MAF: variants seen among roughly 807,000 people sequenced by gnomAD.
The protein encoded by MAF is transcription factor Maf.
MAF carries 10 observed loss-of-function variants against 22.0 expected under a neutral mutation model. That is an observed-to-expected ratio of 0.45 (90% CI 0.28 to 0.77). The LOEUF (loss-of-function observed/expected upper bound fraction) is 0.77. MAF is among the 30% of genes least tolerant of loss of function. The pLI, the probability that MAF is intolerant of heterozygous loss-of-function variation, is 0.12. For missense variants in MAF, 544 were observed against 548.4 expected, an observed-to-expected ratio of 0.99 and a Z score of 0.08; for synonymous variants, 337 against 255.8, an observed-to-expected ratio of 1.32 and a Z score of -3.03.
At chr16:79,298,795 G>A in the MAF span, among the ~76,000 whole-genome samples, 2 of 152,252 alleles carry the variant, frequency 1.3e-5, no homozygotes, top group Non-Finnish European at 2.9e-5. Context: ...ACCCAGCAGG[G>A]CCTTGCAGGC....
chr16:79,564,918 T>C, the MAF span, among the ~76,000 whole-genome samples: 17 of 152,214 alleles, frequency 1.1e-4, no homozygotes, highest in Non-Finnish European at 2.5e-4. Flanking sequence ...CTGCACACTC[T>C]CTGCCTCTGG....
chr16:79,232,982 G>A, the MAF span, among the ~76,000 whole-genome samples: 18,135 of 151,214 alleles, frequency 0.12, 1,273 homozygotes, highest in Middle Eastern at 0.24. Flanking sequence ...CTGGGACTAC[G>A]GGCGCCCGCC....
chr16:79,415,763 T>G, the MAF span, among the ~76,000 whole-genome samples: 1 of 151,816 alleles, frequency 6.6e-6, no homozygotes, highest in Non-Finnish European at 1.5e-5. Context: ...GGCCCTCCCC[T>G]TTCTATTGGG....
At chr16:79,598,711 C>A in intron 1 of MAF, 74 bp downstream of exon 1, 1 of 1,599,794 alleles carries the variant, frequency 6.3e-7, no homozygotes, top group Non-Finnish European at 8.5e-7. Context: ...CTAGAACTAG[C>A]AAGCCCACAC....
At chr16:79,211,049 G>C in the MAF span, among the ~76,000 whole-genome samples, 1 of 151,972 alleles carries the variant, frequency 6.6e-6, no homozygotes, top group East Asian at 1.9e-4. Flanking sequence ...GTGTGTGTGT[G>C]TGTGTGTGCA....
the MAF span, among the ~76,000 whole-genome samples, chr16:79,233,356 A>C: frequency 6.6e-6 from 1 of 152,004 alleles, no homozygotes; most frequent in Non-Finnish European, 1.5e-5. Flanking sequence ...TAGACCTATG[A>C]AATGATCATC....
At chr16:79,393,596 C>T in the MAF span, among the ~76,000 whole-genome samples, 5 of 152,156 alleles carry the variant, frequency 3.3e-5, no homozygotes, top group African/African-American at 1.2e-4. Flanking sequence ...TAACCAGCTC[C>T]AGCCCCTGGG....
At chr16:79,588,538 TGATTCTCCTGCCTCCCAGGTTCAAGC>T (rs545082823) in intron 1 of MAF, among the ~76,000 whole-genome samples, 200 of 152,156 alleles carry the variant, frequency 1.3e-3, no homozygotes, top group African/African-American at 4.6e-3. Flanking sequence ...AGGTTTTAAG[TGATTCTCCTGCCTCCCAGGTTCAAGC>T]GATTCTCCTG....
chr16:79,393,982 C>T, the MAF span, among the ~76,000 whole-genome samples: 76,438 of 151,964 alleles, frequency 0.5, 19,876 homozygotes, highest in East Asian at 0.78. Context: ...CCTCATTTTA[C>T]GCTCCCCAAA....
the MAF span, among the ~76,000 whole-genome samples, chr16:79,348,401 A>C: frequency 6.6e-6 from 1 of 152,238 alleles, no homozygotes; most frequent in African/African-American, 2.4e-5. Flanking sequence ...CTGTCTCTTT[A>C]AAGAGTTTTA....
the MAF span, among the ~76,000 whole-genome samples, chr16:79,363,491 T>C: frequency 2.0e-5 from 3 of 152,278 alleles, no homozygotes; most frequent in South Asian, 2.1e-4. Flanking sequence ...ATGTAATTTA[T>C]TGAATACTTT....
At chr16:79,459,519 C>A in the MAF span, among the ~76,000 whole-genome samples, 1 of 152,010 alleles carries the variant, frequency 6.6e-6, no homozygotes, top group African/African-American at 2.4e-5. Context: ...ATTTTAACAT[C>A]TAGAAGGAAA....
the MAF span, among the ~76,000 whole-genome samples, chr16:79,208,725 T>G: frequency 1.3e-5 from 2 of 152,282 alleles, no homozygotes; most frequent in African/African-American, 4.8e-5. Context: ...TCAGTCTTAT[T>G]CTGATGATAT....
the MAF span, among the ~76,000 whole-genome samples, chr16:79,430,465 C>T: frequency 6.6e-6 from 1 of 152,238 alleles, no homozygotes; most frequent in African/African-American, 2.4e-5. Context: ...TGTCACTCCG[C>T]AGAACTGTTT....
chr16:79,271,979 G>C, the MAF span, among the ~76,000 whole-genome samples: 1 of 152,168 alleles, frequency 6.6e-6, no homozygotes, highest in Non-Finnish European at 1.5e-5. Context: ...GGATTTTTCT[G>C]CCTGTTGTGG....
At chr16:79,480,934 T>G in the MAF span, among the ~76,000 whole-genome samples, 1 of 152,188 alleles carries the variant, frequency 6.6e-6, no homozygotes, top group East Asian at 1.9e-4. Context: ...CAGTTGTGCT[T>G]GGTGCACATC....
At chr16:79,596,944 C>T (rs1913564734) in intron 1 of MAF, 1 of 1,048,990 alleles carries the variant, frequency 9.5e-7, no homozygotes. Flanking sequence ...GTCCCAAATA[C>T]TTTAATTTTG....
the MAF span, among the ~76,000 whole-genome samples, chr16:79,372,990 G>C: frequency 6.6e-6 from 1 of 152,112 alleles, no homozygotes; most frequent in African/African-American, 2.4e-5. Context: ...TCTCTCTACA[G>C]CATCTCCAGG....
At chr16:79,222,322 G>C in the MAF span, among the ~76,000 whole-genome samples, 5 of 151,996 alleles carry the variant, frequency 3.3e-5, no homozygotes, top group South Asian at 2.1e-4. Flanking sequence ...TGTCTTACAA[G>C]AGCTCCTGAA....
Sources: gnomAD v4.1 joint callset for allele counts (sites outside exome capture counted in the v4.1 genomes callset) on GRCh38, gnomAD v4.1.1 for gene constraint, MANE v1.5 for transcripts, NCBI Gene and HGNC (gene_info 2026-07-23, HGNC 2026-07-21) for gene names.